Variants in PHYHD1 observed in about 807,000 individuals in gnomAD.
PHYHD1 encodes the protein phytanoyl-CoA dioxygenase domain containing 1, also known as phytanoyl-CoA dioxygenase domain-containing protein 1.
PHYHD1 carries 42 observed loss-of-function variants against 43.6 expected under a neutral mutation model. That is an observed-to-expected ratio of 0.96 (90% confidence interval 0.75 to 1.25). The LOEUF (loss-of-function observed/expected upper bound fraction) is 1.25. Ranked by LOEUF, PHYHD1 falls within the 50% of genes most tolerant of loss-of-function variation. The pLI is 0.00. For synonymous variants in PHYHD1, 139 were observed against 143.6 expected, an observed-to-expected ratio of 0.97 and a Z score of 0.23; for missense variants, 342 against 370.8, an observed-to-expected ratio of 0.92 and a Z score of 0.64.
chr9:128,935,407 G>A (rs1282215151), intron 6 of PHYHD1, among the ~76,000 whole-genome samples: 7 of 151,588 alleles, frequency 4.6e-5, no homozygotes, highest in African/African-American at 1.2e-4. Flanking sequence ...GGCGGATCAC[G>A]AGGTCAGGAG....
intron 9 of PHYHD1, among the ~76,000 whole-genome samples, chr9:128,938,445 G>A (rs1384026450): frequency 6.6e-6 from 1 of 152,104 alleles, no homozygotes; most frequent in Non-Finnish European, 1.5e-5. Flanking sequence ...TTTTGAGACA[G>A]AGTTTCATTC....
intron 6 of PHYHD1, among the ~76,000 whole-genome samples, 155 bp from the exon 7 acceptor site, chr9:128,936,293 G>T (rs1841420857): frequency 6.6e-6 from 1 of 151,954 alleles, no homozygotes; most frequent in African/African-American, 2.4e-5. Flanking sequence ...CAAGGCTCCT[G>T]TGGAGCCCAT....
chr9:128,922,936 CTTTTTTT>C (rs59238657), intron 3 of PHYHD1, among the ~76,000 whole-genome samples: 18 of 90,664 alleles, frequency 2.0e-4, no homozygotes, highest in South Asian at 7.5e-4. Flanking sequence ...ATGCCCAGCT[CTTTTTTT>C]TTTTTTTTTT....
At chr9:128,938,049 G>C in intron 9 of PHYHD1, 1 of 1,132,498 alleles carries the variant, frequency 8.8e-7, no homozygotes, top group Non-Finnish European at 1.2e-6. Flanking sequence ...GCTCATGCCT[G>C]TAATCCCAGC....
intron 4 of PHYHD1, among the ~76,000 whole-genome samples, chr9:128,927,726 A>G (rs1190480063): frequency 6.6e-6 from 1 of 152,224 alleles, no homozygotes; most frequent in Non-Finnish European, 1.5e-5. Flanking sequence ...CCACACAGTT[A>G]GTAGTGGACA....
At chr9:128,923,075 G>C (rs796579533) in intron 3 of PHYHD1, among the ~76,000 whole-genome samples, 42 of 151,548 alleles carry the variant, frequency 2.8e-4, no homozygotes, top group African/African-American at 9.7e-4. Context: ...CTCCCGAATA[G>C]CTGGGATTAC....
chr9:128,922,331 G>C lies in PHYHD1; in HGVS notation c.8G>C (p.Cys3Ser), dbSNP rs199709517. The change falls in exon 3 of 13, where the codon TGC becomes TCC. Residue 3 changes from cysteine to serine, a missense_variant. By Grantham distance (112) the Cys-to-Ser change is moderately radical. Transcript: ENST00000372592. MA[C>S]LSPSQLQKFQ... ...AGTGCCCTGAGCGTCTCCATGGCCT[G>C]CCTGAGCCCCTCGCAGCTCCAGAAG... 4.6e-4 allele frequency: 710 copies of C among 1,550,856 alleles called. 6 individuals carry two copies. The East Asian group carries it at 0.013, about 28-fold the overall frequency.
intron 11 of PHYHD1, 35 bp downstream of exon 11, chr9:128,940,750 T>A: frequency 3.1e-6 from 5 of 1,602,258 alleles, no homozygotes; most frequent in Non-Finnish European, 3.4e-6. Flanking sequence ...GGCAGGGGGC[T>A]GAGTCCATCA....
Position 128,922,063 on chromosome 9 carries a change from GGGT to G in PHYHD1, c.-42+20_-42+22del, listed in dbSNP as rs890495185. On this transcript the variant is annotated intron_variant, in intron 2 of 12. Coordinates refer to ENST00000372592, the MANE Select transcript of PHYHD1 (RefSeq NM_001100876.2). ...CCGGCACCTGGTAAGCAGTGGTGGGGGGTGGTTTCCAGAAGAAACACAGAGGAA... is the reference window on the plus strand; with the variant it reads ...CCGGCACCTGGTAAGCAGTGGTGGGGGGTTTCCAGAAGAAACACAGAGGAA... 4 of 523,484 alleles carry G rather than the reference GGGT, an allele frequency of 7.6e-6. No homozygotes were observed. In the African/African-American group the frequency reaches 7.8e-5, roughly 10 times the overall value. The allele number at this position is 523,484 out of a possible 1,614,324, so 32.4% of individuals were successfully genotyped here.
At chr9:128,939,407 C>T (rs1249726411) in intron 9 of PHYHD1, among the ~76,000 whole-genome samples, 1 of 123,942 alleles carries the variant, frequency 8.1e-6, no homozygotes, top group African/African-American at 2.6e-5. Context: ...GGTGAAACCC[C>T]ATCTCTACTA....
intron 11 of PHYHD1, among the ~76,000 whole-genome samples, chr9:128,941,152 G>A (rs1841550634): frequency 6.6e-6 from 1 of 152,204 alleles, no homozygotes; most frequent in Admixed American, 6.6e-5. Context: ...GACTGGCACA[G>A]GACAGAGGGC....
rs1177243403 is a variant in PHYHD1 at position 128,941,478 on chromosome 9, A to C, written c.737A>C (p.His246Pro). ...GTCCTCATCCATGGAGAAGTGGTAC[A>C]CAAGAGCAAGCAGAACCTCTCTGAC... ...ALVLIHGEVV[H>P]KSKQNLSDRS... is the part of the protein sequence containing the mutation. The change falls in exon 12 of 13, where the codon CAC becomes CCC. Residue 246 changes from histidine (H) to proline (P), a missense_variant. Coordinates refer to ENST00000372592, the MANE Select transcript of PHYHD1 (RefSeq NM_001100876.2). 1.9e-6 allele frequency: 3 copies of C among 1,613,822 alleles called. No individual in the cohort carries two copies. The highest frequency in any genetic ancestry group is 1.3e-5 in the African/African-American group (1 of 74,878).
At chr9:128,941,394 GA>G (rs1841555381) in intron 11 of PHYHD1, 50 bp from the exon 12 acceptor site, 7 of 1,602,164 alleles carry the variant, frequency 4.4e-6, no homozygotes, top group Non-Finnish European at 5.9e-6. Context: ...CTGCTCTGGG[GA>G]GGGGGGATGT....
At chr9:128,934,754 G>A (rs951199481) in intron 6 of PHYHD1, among the ~76,000 whole-genome samples, 1 of 150,622 alleles carries the variant, frequency 6.6e-6, no homozygotes, top group Non-Finnish European at 1.5e-5. Context: ...GGCAACAAGA[G>A]TGAAACTCCG....
At chr9:128,938,046 C>A in intron 9 of PHYHD1, 1 of 1,153,356 alleles carries the variant, frequency 8.7e-7, no homozygotes, top group Non-Finnish European at 1.2e-6. Flanking sequence ...GTGGCTCATG[C>A]CTGTAATCCC....
Position 128,940,418 on chromosome 9 carries a change from G to A in PHYHD1, c.507G>A (p.Arg169=). 6.2e-7 allele frequency: 1 copy of A among 1,614,196 alleles called. No individual in the cohort carries two copies. Among genetic ancestry groups the A allele is most frequent in the African/African-American group, 1.3e-5 (1 of 75,044 alleles). ...ASFLYTEPLG[R]VLGVWIAVED... ...TCCTGTACACGGAGCCCCTGGGCCG[G>A]GTGCTGGGCGTGTGGATCGCAGTGG... is the stretch of plus-strand genomic sequence containing the variant. Residue 169 remains arginine, a synonymous_variant, in exon 10 of 13, where the codon CGG becomes CGA. Transcript: ENST00000372592.
chr9:128,940,348 A>C (rs763655611), intron 9 of PHYHD1, 21 bp from the exon 10 acceptor site: 1 of 1,612,722 alleles, frequency 6.2e-7, no homozygotes, highest in African/African-American at 1.3e-5. Context: ...TGAGCTCCTC[A>C]CCCCCCGTGG....
chr9:128,937,697 G>A (rs1471957814), intron 8 of PHYHD1, 60 bp from the exon 9 acceptor site: 21 of 1,605,330 alleles, frequency 1.3e-5, no homozygotes, highest in Non-Finnish European at 1.7e-5. Context: ...GGGAGTCTCA[G>A]CAAGCCCAGC....
chr9:128,926,071 A>G (rs1281321358), intron 3 of PHYHD1, among the ~76,000 whole-genome samples: 2 of 152,168 alleles, frequency 1.3e-5, no homozygotes, highest in Non-Finnish European at 2.9e-5. Flanking sequence ...GGCAGGCATC[A>G]TGGCTGGCTT....
Sources: gnomAD v4.1 joint callset for allele counts (sites outside exome capture counted in the v4.1 genomes callset) on GRCh38, gnomAD v4.1.1 for gene constraint, MANE v1.5 for transcripts, NCBI Gene and HGNC (gene_info 2026-07-23, HGNC 2026-07-21) for gene names.